The following SPEG variants were observed in gnomAD, a reference collection of about 807,000 sequenced individuals.
The protein encoded by SPEG is striated muscle enriched protein kinase, also known as striated muscle preferentially expressed protein kinase.
A neutral mutation model predicts 300.4 loss-of-function variants in SPEG; 114 were observed. The observed-to-expected ratio is 0.38, with a 90% CI of 0.33 to 0.44. The LOEUF is 0.44. Ranked by LOEUF, SPEG falls within the 20% of genes least tolerant of loss-of-function variation. SPEG has a pLI of 1.00. For missense variants in SPEG, 4,201 were observed against 4,586.2 expected, an observed-to-expected ratio of 0.92 and a Z score of 2.43; for synonymous variants, 1,964 against 2,018.9, an observed-to-expected ratio of 0.97 and a Z score of 0.73.
rs1271386444 is a variant in SPEG, at chr2:219,470,305, A to T, written c.3715+926A>T. ...AAAGGACTGTCTGACCCTGGTGCCC[A>T]GCTCTTAACCAGGATGTCCCTGTCA... is the stretch of plus-strand genomic sequence containing the variant. On this transcript the variant is annotated intron_variant, in intron 13 of 40. Coordinates refer to ENST00000312358, the MANE Select transcript of SPEG (RefSeq NM_005876.5). 4.6e-5 allele frequency among the ~76,000 whole-genome samples: 4 copies of T among 87,648 alleles called. No individual in the cohort carries two copies. The East Asian group carries it at 1.1e-3, about 23-fold the overall frequency. The allele number at this position is 87,648 out of a possible 152,430, so 57.5% of individuals were successfully genotyped here.
Position 219,485,406 on chromosome 2 carries a change from G to C in SPEG, c.7670G>C (p.Gly2557Ala). The stretch of plus-strand genomic sequence containing the variant: ...TTCTCTCGGCCGCGGAAGGACAAGG[G>C]GTTATCGCCACCAAACCTCTCTGCC... ...WGFSRPRKDK[G>A]LSPPNLSASV... Residue 2557 changes from glycine (G) to alanine (A), a missense_variant, in exon 31 of 41, where the codon GGG (glycine) becomes GCG (alanine). Coordinates refer to ENST00000312358, the MANE Select transcript of SPEG (RefSeq NM_005876.5). 1.2e-6 allele frequency: 2 copies of C among 1,608,230 alleles called. No homozygotes were observed. Among genetic ancestry groups the C allele is most frequent in the Admixed American group, 1.7e-5 (1 of 59,232 alleles).
In SPEG at chr2:219,484,612, G is replaced by T. The variant is rs770358900; in HGVS notation, c.7149G>T (p.Glu2383Asp). Reference sequence around the variant, plus strand: ...CCAGCCCGGCGGGGACCCCGCTGGAGCTGGTGCGACGGCCTGAGCGCTCAC... The same window carrying T: ...CCAGCCCGGCGGGGACCCCGCTGGATCTGGTGCGACGGCCTGAGCGCTCAC... ...YRPSPAGTPL[E>D]LVRRPERSRS... The change falls in exon 30 of 41, where the codon GAG (glutamate) becomes GAT (aspartate). Residue 2383 changes from glutamate (E) to aspartate (D), a missense_variant. Around this residue, in one of 4 missense-constraint regions of SPEG, gnomAD observed 1,578 missense variants for 1,506.0 expected, o/e 1.05. Transcript: ENST00000312358. 1 of 1,556,072 alleles carries T rather than the reference G, an allele frequency of 6.4e-7. No homozygotes were observed. The highest frequency in any genetic ancestry group is 1.2e-5 in the South Asian group (1 of 86,070).
In SPEG at chr2:219,443,114, G is replaced by A. The variant is rs776219351; in HGVS notation, c.389-1539G>A. On this transcript the variant is annotated intron_variant, in intron 1 of 40. Transcript: ENST00000312358. This position sits in a 1 kb window ranked among gnomAD's most constrained non-coding sequence, Gnocchi z 4.6. ...TCTGGCTTTTCTCTTTCAGAAAACC[G>A]GCCATTCCCGCCGGGCCTTTGGCCG... The A allele has an allele frequency of 1.4e-5, 23 of 1,612,252 alleles. No homozygotes were observed. The highest frequency in any genetic ancestry group is 2.7e-5 in the African/African-American group (2 of 74,886).
intron 22 of SPEG, 126 bp downstream of exon 22, chr2:219,478,231 C>G: frequency 1.3e-6 from 1 of 785,384 alleles, no homozygotes; most frequent in Non-Finnish European, 2.0e-6. Context: ...AGGGATACAT[C>G]TGGAGACTTC....
chr2:219,487,434 C>G (rs1352942119), intron 31 of SPEG, among the ~76,000 whole-genome samples: 2 of 152,174 alleles, frequency 1.3e-5, no homozygotes, highest in Non-Finnish European at 2.9e-5. Context: ...CTTTACATGC[C>G]TCGTAATTGT....
chr2:219,473,367 C>G lies in SPEG; in HGVS notation c.4148-137C>G. 1 of 935,288 alleles carries G rather than the reference C, an allele frequency of 1.1e-6. No individual in the cohort carries two copies. The highest frequency in any genetic ancestry group is 1.6e-6 in the Non-Finnish European group (1 of 615,214). 57.9% of individuals were successfully genotyped at this position (935,288 alleles called of 1,614,324 possible). On this transcript the variant is annotated intron_variant, in intron 16 of 40. Transcript: ENST00000312358. This position sits in a 1 kb window ranked among gnomAD's most constrained non-coding sequence, Gnocchi z 4.6. Reference sequence around the variant, plus strand: ...CTCTGGCTGTGTTCCCCTGACAAATCGCTAAACCTCTCTGAGCTTCAGCTT... The same window carrying G: ...CTCTGGCTGTGTTCCCCTGACAAATGGCTAAACCTCTCTGAGCTTCAGCTT...
At position 219,448,615 on chromosome 2, in the gene SPEG, C is replaced by T. The variant is rs967635135; in HGVS notation, c.1457C>T (p.Pro486Leu). 1 of 1,476,074 alleles carries T rather than the reference C, an allele frequency of 6.8e-7. No individual in the cohort carries two copies. Among genetic ancestry groups the T allele is most frequent in the Non-Finnish European group, 8.9e-7 (1 of 1,121,484 alleles). The allele number at this position is 1,476,074 out of a possible 1,614,324, so 91.4% of individuals were successfully genotyped here. Reference sequence around the variant, plus strand: ...GACGAGCGCACGCGTCAGCGCAGCCCGGCCTCAGACCTCGAGCTGCGCTTC... The same window carrying T: ...GACGAGCGCACGCGTCAGCGCAGCCTGGCCTCAGACCTCGAGCTGCGCTTC... ...SLDERTRQRS[P>L]ASDLELRFAQ... is the part of the protein sequence containing the mutation. Residue 486 changes from proline to leucine, a missense_variant, in exon 4 of 41, where the codon CCG (proline) becomes CTG (leucine). Pro to Leu is a moderately conservative substitution (Grantham distance 98). Transcript: ENST00000312358.
In SPEG at chr2:219,444,505, G is replaced by C. The variant is rs1362488040; in HGVS notation, c.389-148G>C. 13 of 674,140 alleles carry C rather than the reference G, an allele frequency of 1.9e-5. No individual in the cohort carries two copies. The highest frequency in any genetic ancestry group is 2.9e-5 in the Non-Finnish European group (11 of 381,922). The allele number at this position is 674,140 out of a possible 1,614,324, so 41.8% of individuals were successfully genotyped here. A position where few individuals can be genotyped will look rare whatever the true frequency, so the allele number is the denominator to read the frequency against. On this transcript the variant is annotated intron_variant, in intron 1 of 40. Transcript: ENST00000312358. The surrounding 1 kb of genome is among the most constrained non-coding windows in gnomAD (Gnocchi z 7.8). Reference sequence around the variant, plus strand: ...ATCCTGAGCAGCCCAGGCTGGGCAGGGGATGTGGGGAGCAAAAGAGAGGAG... The same window carrying C: ...ATCCTGAGCAGCCCAGGCTGGGCAGCGGATGTGGGGAGCAAAAGAGAGGAG...
rs200114716 is a variant in SPEG at position 219,477,718 on chromosome 2, G to A, written c.4759G>A (p.Gly1587Arg). The change falls in exon 21 of 41, where the codon GGG becomes AGG. Residue 1587 changes from glycine (G) to arginine (R), a missense_variant. Gly to Arg is a moderately radical substitution (Grantham distance 125). Transcript: ENST00000312358. The surrounding 1 kb of genome is among the most constrained non-coding windows in gnomAD (Gnocchi z 6.4). ...GACAGCTATGGAGGTCGAGGGGGTC[G>A]GGGAGGATGAGGACCATCGAGGAAG... ...AQTAMEVEGV[G>R]EDEDHRGRRL... 3.8e-4 allele frequency: 613 copies of A among 1,604,070 alleles called. No homozygotes were observed. Among genetic ancestry groups the A allele is most frequent in the Non-Finnish European group, 4.8e-4 (566 of 1,173,732 alleles).
At chr2:219,485,132 G>T in intron 30 of SPEG, 60 bp downstream of exon 30, 1 of 1,516,056 alleles carries the variant, frequency 6.6e-7, no homozygotes, top group Non-Finnish European at 8.8e-7. Context: ...GCTGGAGAGA[G>T]GCTGTGGGAG....
Position 219,451,162 on chromosome 2 carries a change from G to A in SPEG, c.2140G>A (p.Ala714Thr), listed in dbSNP as rs767867804. 4 of 1,613,480 alleles carry A rather than the reference G, an allele frequency of 2.5e-6. No homozygotes were observed. The highest frequency in any genetic ancestry group is 2.7e-5 in the African/African-American group (2 of 74,984). Residue 714 changes from alanine to threonine, a missense_variant, in exon 5 of 41, where the codon GCT becomes ACT. Transcript: ENST00000312358. This position sits in a 1 kb window ranked among gnomAD's most constrained non-coding sequence, Gnocchi z 6.4. ...GTCTTCGGATGACTCCTACGTGTCC[G>A]CTGGAGAAGAGCCCCTAGAGGCCCC... ...LESSDDSYVS[A>T]GEEPLEAPVF...
At chr2:219,452,810 G>A (rs1001370923) in intron 6 of SPEG, among the ~76,000 whole-genome samples, 1 of 152,182 alleles carries the variant, frequency 6.6e-6, no homozygotes, top group Non-Finnish European at 1.5e-5. Flanking sequence ...ATGAAGTGCT[G>A]CAGGAGACAA....
chr2:219,455,253 G>A (rs960748514), intron 6 of SPEG, among the ~76,000 whole-genome samples: 4 of 152,178 alleles, frequency 2.6e-5, no homozygotes, highest in African/African-American at 9.7e-5. Context: ...TGAGGAAACT[G>A]AGACTTGGAA....
chr2:219,452,699 G>A (rs910845157), intron 6 of SPEG, among the ~76,000 whole-genome samples: 5 of 152,172 alleles, frequency 3.3e-5, no homozygotes, highest in African/African-American at 1.2e-4. Flanking sequence ...TGCGCTGAGA[G>A]ACGTTGGTGC....
Position 219,473,598 on chromosome 2 carries a change from C to T in SPEG, c.4242C>T (p.Asn1414=). 6.2e-7 allele frequency: 1 copy of T among 1,614,206 alleles called. No homozygotes were observed. The highest frequency in any genetic ancestry group is 2.2e-5 in the East Asian group (1 of 44,876). ...GQPASVTVTF[N]HVEAQVVWRS... ...CTGCCAGCGTCACCGTCACATTCAA[C>T]CATGTGGAGGCCCAGGTCGTCTGGA... Residue 1414 remains asparagine (N), a synonymous_variant, in exon 17 of 41, where the codon AAC becomes AAT. Transcript: ENST00000312358. This position sits in a 1 kb window ranked among gnomAD's most constrained non-coding sequence, Gnocchi z 4.6.
rs1692800883 is a variant in SPEG at position 219,481,126 on chromosome 2, G to A, written c.5370-178G>A. Among the ~76,000 whole-genome samples, 1 of 152,168 alleles carries A rather than the reference G, an allele frequency of 6.6e-6. No individual in the cohort carries two copies. Among genetic ancestry groups the A allele is most frequent in the South Asian group, 2.1e-4 (1 of 4,824 alleles). On this transcript the variant is annotated intron_variant, in intron 26 of 40. Coordinates refer to ENST00000312358, the MANE Select transcript of SPEG (RefSeq NM_005876.5). The surrounding 1 kb of genome is among the most constrained non-coding windows in gnomAD (Gnocchi z 5.4). The stretch of plus-strand genomic sequence containing the variant: ...CAGCACCACCTCCCTGCCCATCAGG[G>A]GGGCTGGGGAGGGGACAGGGCAGGA...
rs1449928554 is a variant in SPEG, at chr2:219,492,175, G to T, written c.9526G>T (p.Gly3176Cys). The T allele has an allele frequency of 1.9e-6, 3 of 1,613,692 alleles. No individual in the cohort carries two copies. Among genetic ancestry groups the T allele is most frequent in the Middle Eastern group, 3.3e-4 (2 of 6,058 alleles). The change falls in exon 40 of 41, where the codon GGC (glycine) becomes TGC (cysteine). Residue 3176 changes from glycine to cysteine, a missense_variant. Coordinates refer to ENST00000312358, the MANE Select transcript of SPEG (RefSeq NM_005876.5). The part of the protein sequence containing the change: ...PQETEARIVG[G>C]RFDAFQLYPN... ...GGAAACGGAGGCTCGGATTGTGGGG[G>T]GCCGCTTTGATGCCTTCCAGCTGTA...
Position 219,489,441 on chromosome 2 carries a change from C to G in SPEG, c.8423C>G (p.Ala2808Gly). 1 of 1,612,894 alleles carries G rather than the reference C, an allele frequency of 6.2e-7. No individual in the cohort carries two copies. The highest frequency in any genetic ancestry group is 1.7e-4 in the Middle Eastern group (1 of 6,048). ...DSPTSLAPPL[A>G]PAAPTPPSVT... ...CCTACCTCACTGGCCCCACCCCTAG[C>G]TCCTGCTGCCCCCACACCCCCGTCA... is the stretch of plus-strand genomic sequence containing the variant. Residue 2808 changes from alanine (A) to glycine (G), a missense_variant, in exon 36 of 41, where the codon GCT becomes GGT. Physicochemically the swap from Ala to Gly is moderately conservative, Grantham distance 60. This residue lies in a region of SPEG where 1,578 missense variants were observed against 1,506.0 expected (regional missense o/e 1.05). Transcript: ENST00000312358.
chr2:219,492,464 T>C, intron 40 of SPEG, 130 bp from the exon 41 acceptor site: 1 of 1,160,054 alleles, frequency 8.6e-7, no homozygotes. Flanking sequence ...GGAACTGAGC[T>C]CTTGAGCTGC....
Sources: allele counts gnomAD v4.1 joint callset (sites outside exome capture counted in the v4.1 genomes callset), GRCh38; gene constraint gnomAD v4.1.1; regional missense constraint gnomAD v4.1.1; non-coding constraint Gnocchi (gnomAD v3.1); transcripts MANE v1.5; gene names NCBI Gene and HGNC (gene_info 2026-07-23, HGNC 2026-07-21).